MCM3: variants seen among roughly 807,000 people sequenced by gnomAD.
The protein encoded by MCM3 is minichromosome maintenance complex component 3.
A neutral mutation model predicts 91.3 loss-of-function variants in MCM3; 59 were observed. The observed-to-expected ratio is 0.65, with a 90% confidence interval of 0.52 to 0.80. The LOEUF is 0.80. MCM3 is among the 30% of genes least tolerant of loss of function. MCM3 has a pLI of 0.00. For missense variants in MCM3, 919 were observed against 1,035.4 expected (o/e 0.89, Z 1.54); for synonymous variants, 383 against 379.6 (o/e 1.01, Z -0.10).
At chr6:52,274,814 A>C (rs866624521) in intron 9 of MCM3, among the ~76,000 whole-genome samples, 3 of 152,234 alleles carry the variant, frequency 2.0e-5, no homozygotes, top group Admixed American at 2.0e-4. Context: ...GTCAGAGAAC[A>C]TAACAACCTT....
In MCM3 at chr6:52,270,823, G is replaced by C. The variant is rs1380244710; in HGVS notation, c.1827+1478C>G. ...GCGATACACAACCTCCAGAAAACAA[G>C]ACTAACACCCACAGGTAAAAGTTGT... On this transcript the variant is annotated intron_variant, in intron 12 of 16. Coordinates refer to ENST00000596288, the MANE Select transcript of MCM3 (RefSeq NM_002388.6). 3.9e-5 allele frequency among the ~76,000 whole-genome samples: 6 copies of C among 152,304 alleles called. No homozygotes were observed. The East Asian group carries it at 9.6e-4, about 24-fold the overall frequency.
chr6:52,273,268 C>T lies in MCM3; in HGVS notation c.1638G>A (p.Glu546=), dbSNP rs750010339. 1.1e-5 allele frequency: 18 copies of T among 1,614,206 alleles called. No individual in the cohort carries two copies. The highest frequency in any genetic ancestry group is 1.5e-5 in the Non-Finnish European group (18 of 1,180,014). ...QEDQQDTQIY[E]KHDNLLHGTK... ...TCCCATGTAGAAGGTTGTCATGCTT[C>T]TCATAAATCTGGGTGTCCTGCTGAT... The change falls in exon 11 of 17, where the codon GAG becomes GAA. Residue 546 remains glutamate (E), a synonymous_variant. Transcript: ENST00000596288.
chr6:52,283,676 T>A (rs1766364089), intron 1 of MCM3, among the ~76,000 whole-genome samples: 1 of 152,232 alleles, frequency 6.6e-6, no homozygotes, highest in Non-Finnish European at 1.5e-5. Flanking sequence ...ATGCTGTAAT[T>A]TCTGTCTTTA....
In MCM3 at chr6:52,279,469, A is replaced by T. The variant is rs748721633; in HGVS notation, c.662T>A (p.Leu221Gln). ...GQLPRSVDVI[L>Q]DDDLVDKAKP... ...CGCTTTATCCACCAAGTCATCATCC[A>T]GAATGACGTCCACAGAGCGGGGGAG... The change falls in exon 5 of 17, where the codon CTG becomes CAG. Residue 221 changes from leucine to glutamine, a missense_variant. Physicochemically the swap from Leu to Gln is moderately radical, Grantham distance 113 (BLOSUM62 -2). This residue lies in a region of MCM3 where 401 missense variants were observed against 402.7 expected (regional missense o/e 1.00). Transcript: ENST00000596288. The T allele has an allele frequency of 1.9e-6, 3 of 1,614,078 alleles. No homozygotes were observed. Among genetic ancestry groups the T allele is most frequent in the Non-Finnish European group, 2.5e-6 (3 of 1,180,038 alleles).
chr6:52,278,861 C>G lies in MCM3; in HGVS notation c.771-11G>C. On this transcript the variant is annotated splice_polypyrimidine_tract_variant and intron_variant, in intron 5 of 16. Transcript: ENST00000596288. ...GCAATCAGGACAGTCCTGGGACAAA[C>G]AGAATAAAGAGGAAACCCGTTATAT... 1.9e-6 allele frequency: 3 copies of G among 1,584,420 alleles called. No individual in the cohort carries two copies.
In MCM3 at chr6:52,282,821, G is replaced by A. The variant is rs2307318; in HGVS notation, c.232C>T (p.Arg78Trp). 9.9e-6 allele frequency: 16 copies of A among 1,613,890 alleles called. No homozygotes were observed. Among genetic ancestry groups the A allele is most frequent in the East Asian group, 6.7e-5 (3 of 44,900 alleles). Residue 78 changes from arginine to tryptophan, a missense_variant, in exon 3 of 17, where the codon CGG (arginine) becomes TGG (tryptophan). Arg to Trp is a moderately radical substitution (Grantham distance 101, BLOSUM62 -3). Transcript: ENST00000596288. ...GAGGCCACAAAATCCTTTAAGGCCC[G>A]CTGGAAGGCAACCAGCTCCTCAAAG... ...NAFEELVAFQ[R>W]ALKDFVASID... is the part of the protein sequence containing the mutation.
At chr6:52,273,665 A>C (rs749494592) in intron 10 of MCM3, 77 bp downstream of exon 10, 8 of 1,442,506 alleles carry the variant, frequency 5.5e-6, no homozygotes, top group Non-Finnish European at 7.6e-6. Context: ...ACCTACCACC[A>C]CCTGGGTTGG....
chr6:52,276,623 C>A (rs1397164506), intron 8 of MCM3, 147 bp from the exon 9 acceptor site: 2 of 670,406 alleles, frequency 3.0e-6, no homozygotes, highest in Admixed American at 3.0e-5. Flanking sequence ...TTAGAGGAAA[C>A]CCTGGTGGGT....
At chr6:52,266,566 G>C in intron 15 of MCM3, 45 bp downstream of exon 15, 1 of 1,550,282 alleles carries the variant, frequency 6.5e-7, no homozygotes, top group African/African-American at 1.4e-5. Context: ...AAAAGTCCAA[G>C]AGTCACAGGA....
At chr6:52,277,990 C>T (rs1209601885) in intron 6 of MCM3, among the ~76,000 whole-genome samples, 1 of 141,836 alleles carries the variant, frequency 7.1e-6, no homozygotes, top group Admixed American at 7.5e-5. Context: ...ATCACTTAAA[C>T]CCAAGAGGCG....
intron 7 of MCM3, 27 bp downstream of exon 7, chr6:52,277,508 G>T (rs765731494): frequency 6.3e-7 from 1 of 1,599,628 alleles, no homozygotes; most frequent in Non-Finnish European, 8.5e-7. Flanking sequence ...CAGAACAACA[G>T]TCTAAAGCAA....
chr6:52,264,765 G>T lies in MCM3; in HGVS notation c.2250C>A (p.Ala750=), dbSNP rs748774788. 8.1e-6 allele frequency: 13 copies of T among 1,613,950 alleles called. No homozygotes were observed. The South Asian group carries it at 1.4e-4, about 18-fold the overall frequency. Residue 750 remains alanine (A), a synonymous_variant, in exon 17 of 17, where the codon GCC becomes GCA. Transcript: ENST00000596288. ...SESRLKAFKV[A]LLDVFREAHA... Reference sequence around the variant, plus strand: ...GAGCTTCCCGGAACACATCCAAGAGGGCCACCTTGAATGCCTTCAACCTGC... The same window carrying T: ...GAGCTTCCCGGAACACATCCAAGAGTGCCACCTTGAATGCCTTCAACCTGC...
rs1562368320 is a variant in MCM3 at position 52,264,417 on chromosome 6, A to T, written c.*171T>A. On this transcript the variant is annotated 3_prime_UTR_variant, in exon 17 of 17. Transcript: ENST00000596288. ...CACCCCATGGCAGCTTTCATGACCCATTCCCAAAGGGTCCACCGAGTCCTG... is the reference window on the plus strand; with the variant it reads ...CACCCCATGGCAGCTTTCATGACCCTTTCCCAAAGGGTCCACCGAGTCCTG... 1 of 661,482 alleles carries T rather than the reference A, an allele frequency of 1.5e-6. No individual in the cohort carries two copies. The highest frequency in any genetic ancestry group is 1.8e-5 in the African/African-American group (1 of 55,052). 41.0% of individuals were successfully genotyped at this position (661,482 alleles called of 1,614,324 possible).
At chr6:52,267,995 C>A (rs1430126302) in intron 13 of MCM3, 27 bp from the exon 14 acceptor site, 2 of 1,613,874 alleles carry the variant, frequency 1.2e-6, no homozygotes, top group South Asian at 2.2e-5. Flanking sequence ...TGTGGCTGGG[C>A]TAGAGGGGTC....
intron 1 of MCM3, among the ~76,000 whole-genome samples, 161 bp from the exon 2 acceptor site, chr6:52,283,567 T>TTA (rs1766353703): frequency 6.6e-6 from 1 of 152,260 alleles, no homozygotes; most frequent in African/African-American, 2.4e-5. Flanking sequence ...TTCACTGTTT[T>TTA]TAGATTCGAA....
chr6:52,278,364 T>C (rs1765774651), intron 6 of MCM3, among the ~76,000 whole-genome samples: 1 of 152,204 alleles, frequency 6.6e-6, no homozygotes, highest in African/African-American at 2.4e-5. Flanking sequence ...AATGTGGATA[T>C]ACATCCTATC....
In MCM3 at chr6:52,283,295, G is replaced by C. The variant is rs771936489; in HGVS notation, c.190C>G (p.Arg64Gly). The change falls in exon 2 of 17, where the codon CGG (arginine) becomes GGG (glycine). Residue 64 changes from arginine to glycine, a missense_variant and splice_region_variant. Arg to Gly is a moderately radical substitution (Grantham distance 125, BLOSUM62 -2). This residue lies in a region of MCM3 where 401 missense variants were observed against 402.7 expected (regional missense o/e 1.00). Coordinates refer to ENST00000596288, the MANE Select transcript of MCM3 (RefSeq NM_002388.6). The part of the protein sequence containing the change: ...LRRKNEKRAN[R>G]LLNNAFEELV... Reference sequence around the variant, plus strand: ...CCAGTATATCCCCTTGCCTCTCACCGGTTAGCCCTCTTCTCGTTTTTCCTG... The same window carrying C: ...CCAGTATATCCCCTTGCCTCTCACCCGTTAGCCCTCTTCTCGTTTTTCCTG... 2.5e-6 allele frequency: 4 copies of C among 1,613,602 alleles called. No individual in the cohort carries two copies. Among genetic ancestry groups the C allele is most frequent in the South Asian group, 2.2e-5 (2 of 91,064 alleles).
At chr6:52,278,673 T>C in intron 6 of MCM3, 69 bp downstream of exon 6, 1 of 1,019,942 alleles carries the variant, frequency 9.8e-7, no homozygotes, top group Non-Finnish European at 1.5e-6. Flanking sequence ...AGTACAAAAA[T>C]AGCCATGCAC....
chr6:52,266,679 G>A lies in MCM3; in HGVS notation c.2090C>T (p.Pro697Leu), dbSNP rs1411299692. 44 of 1,614,104 alleles carry A rather than the reference G, an allele frequency of 2.7e-5. No individual in the cohort carries two copies. The highest frequency in any genetic ancestry group is 3.7e-5 in the Non-Finnish European group (44 of 1,179,980). ...GTATGAATCCCCATCTTTGGCATCT[G>A]GCTGGCGAGTCTTCCTTCTAAAATA... ...QKRKRRKTRQ[P>L]DAKDGDSYDP... Residue 697 changes from proline (P) to leucine (L), a missense_variant, in exon 15 of 17, where the codon CCA becomes CTA. By Grantham distance (98) the Pro-to-Leu change is moderately conservative (BLOSUM62 -3). Coordinates refer to ENST00000596288, the MANE Select transcript of MCM3 (RefSeq NM_002388.6).
Sources: allele counts gnomAD v4.1 joint callset (sites outside exome capture counted in the v4.1 genomes callset), GRCh38; gene constraint gnomAD v4.1.1; regional missense constraint gnomAD v4.1.1; transcripts MANE v1.5; gene names NCBI Gene and HGNC (gene_info 2026-07-23, HGNC 2026-07-21).